Variants in SYNDIG1 observed in about 807,000 individuals in gnomAD.
SYNDIG1 encodes synapse differentiation inducing 1.
In SYNDIG1, 9 loss-of-function variants were observed where a neutral mutation model predicts 19.4. The ratio of observed to expected loss-of-function variants is 0.46; its 90% CI spans 0.28 to 0.81. The LOEUF is 0.81. SYNDIG1 is among the 30% of genes least tolerant of loss of function. SYNDIG1 has a pLI of 0.12. For missense variants in SYNDIG1, 311 were observed against 343.3 expected (o/e 0.91, Z 0.74); for synonymous variants, 141 against 145.9 (o/e 0.97, Z 0.24).
At chr20:24,578,460 G>T in intron 2 of SYNDIG1, among the ~76,000 whole-genome samples, 1 of 149,694 alleles carries the variant, frequency 6.7e-6, no homozygotes, top group Non-Finnish European at 1.5e-5. Context: ...AAAAAAGAAA[G>T]AAAGAAAAAG....
In SYNDIG1 at chr20:24,471,709, A is replaced by G. The variant is rs550489503; in HGVS notation, c.-79+1956A>G. ...AGTGACAGACAGAGAATAGCACTGA[A>G]GCTTTGTGTACCCCCCACCCAGTCA... is the stretch of plus-strand genomic sequence containing the variant. On this transcript the variant is annotated intron_variant, in intron 1 of 3. Transcript: ENST00000376862. 2.0e-5 allele frequency among the ~76,000 whole-genome samples: 3 copies of G among 152,236 alleles called. No individual in the cohort carries two copies. In the East Asian group the frequency reaches 5.8e-4, roughly 29 times the overall value.
chr20:24,604,547 A>G (rs934949310), intron 3 of SYNDIG1, among the ~76,000 whole-genome samples: 3 of 152,208 alleles, frequency 2.0e-5, no homozygotes, highest in African/African-American at 7.2e-5. Flanking sequence ...TGCCAAGGCA[A>G]TGTCAGGAAG....
chr20:24,630,736 C>T (rs531313460), intron 3 of SYNDIG1, among the ~76,000 whole-genome samples: 4 of 152,222 alleles, frequency 2.6e-5, no homozygotes, highest in South Asian at 2.1e-4. Context: ...CGTCCACTGT[C>T]GCCTGGCTGC....
chr20:24,498,378 TAA>T, intron 1 of SYNDIG1, among the ~76,000 whole-genome samples: 1 of 152,216 alleles, frequency 6.6e-6, no homozygotes, highest in Non-Finnish European at 1.5e-5. Context: ...GTGTATATTA[TAA>T]GTGTATATTA....
intron 3 of SYNDIG1, among the ~76,000 whole-genome samples, chr20:24,599,321 A>G (rs2058643342): frequency 6.6e-6 from 1 of 152,216 alleles, no homozygotes; most frequent in South Asian, 2.1e-4. Flanking sequence ...ACTATTATTA[A>G]AAAGACAAAA....
At chr20:24,661,863 G>T (rs12625030) in intron 3 of SYNDIG1, among the ~76,000 whole-genome samples, 30,934 of 152,020 alleles carry the variant, frequency 0.2, 3,965 homozygotes, top group East Asian at 0.57. Flanking sequence ...CCTTCAGATA[G>T]AACCATTCCC....
intron 1 of SYNDIG1, among the ~76,000 whole-genome samples, chr20:24,504,340 A>G (rs1006317899): frequency 6.7e-6 from 1 of 150,196 alleles, no homozygotes; most frequent in Non-Finnish European, 1.5e-5. Flanking sequence ...ATTGTGGCAT[A>G]GGTAGCCCGG....
At chr20:24,501,516 G>A (rs1325891165) in intron 1 of SYNDIG1, among the ~76,000 whole-genome samples, 1 of 152,162 alleles carries the variant, frequency 6.6e-6, no homozygotes, top group Non-Finnish European at 1.5e-5. Context: ...CTGATGGGAA[G>A]CTATATAGAG....
chr20:24,649,571 A>T (rs2059450356), intron 3 of SYNDIG1, among the ~76,000 whole-genome samples: 1 of 152,140 alleles, frequency 6.6e-6, no homozygotes, highest in African/African-American at 2.4e-5. Context: ...TCGCTGGTTT[A>T]TTAATATGGG....
chr20:24,477,153 C>A (rs1257283267), intron 1 of SYNDIG1, among the ~76,000 whole-genome samples: 1 of 152,190 alleles, frequency 6.6e-6, no homozygotes, highest in Non-Finnish European at 1.5e-5. Context: ...ACATGCGTCA[C>A]ACTCTTGGGA....
chr20:24,540,440 G>A (rs1210116569), intron 1 of SYNDIG1, among the ~76,000 whole-genome samples: 1 of 152,106 alleles, frequency 6.6e-6, no homozygotes, highest in Non-Finnish European at 1.5e-5. Context: ...GGAAAAGTGG[G>A]CATCTTTGCC....
intron 3 of SYNDIG1, among the ~76,000 whole-genome samples, chr20:24,663,264 A>T (rs149277123): frequency 6.6e-6 from 1 of 152,304 alleles, no homozygotes; most frequent in African/African-American, 2.4e-5. Context: ...GGCCCCTAAC[A>T]CACCACATTC....
intron 3 of SYNDIG1, among the ~76,000 whole-genome samples, chr20:24,626,708 G>T (rs1404171850): frequency 2.0e-5 from 3 of 152,202 alleles, no homozygotes; most frequent in Non-Finnish European, 2.9e-5. Flanking sequence ...TCGGCACTTT[G>T]GGGGGCCAAG....
intron 1 of SYNDIG1, among the ~76,000 whole-genome samples, chr20:24,499,120 G>A (rs1464152049): frequency 2.0e-5 from 3 of 152,188 alleles, no homozygotes; most frequent in Non-Finnish European, 4.4e-5. Flanking sequence ...TGCCTCCCAG[G>A]TTCAAGTGAT....
At chr20:24,512,696 G>A (rs914043613) in intron 1 of SYNDIG1, among the ~76,000 whole-genome samples, 7 of 152,150 alleles carry the variant, frequency 4.6e-5, no homozygotes, top group East Asian at 1.9e-4. Context: ...CTCCACCTCC[G>A]GGGGCAGGGC....
chr20:24,646,220 A>G (rs2059421428), intron 3 of SYNDIG1, among the ~76,000 whole-genome samples: 1 of 152,224 alleles, frequency 6.6e-6, no homozygotes, highest in Non-Finnish European at 1.5e-5. Context: ...AGACCAGGGA[A>G]CATGCACACA....
chr20:24,625,904 C>T lies in SYNDIG1; in HGVS notation c.619-39442C>T, dbSNP rs997312312. Among the ~76,000 whole-genome samples the T allele has an allele frequency of 2.6e-5, 4 of 152,282 alleles. No individual in the cohort carries two copies. The South Asian group carries it at 6.2e-4, about 24-fold the overall frequency. ...TACACCTCCCAGACGAGGTGGTGGCCGGGCAGAGGGGCTCCTCACTTCCCA... is the reference window on the plus strand; with the variant it reads ...TACACCTCCCAGACGAGGTGGTGGCTGGGCAGAGGGGCTCCTCACTTCCCA... On this transcript the variant is annotated intron_variant, in intron 3 of 3. Transcript: ENST00000376862.
intron 3 of SYNDIG1, among the ~76,000 whole-genome samples, chr20:24,611,045 C>A (rs1020169319): frequency 2.0e-5 from 3 of 152,186 alleles, no homozygotes; most frequent in African/African-American, 7.2e-5. Flanking sequence ...CCTAGCTGAA[C>A]CACGCGATGC....
chr20:24,530,712 A>G (rs1055495244), intron 1 of SYNDIG1, among the ~76,000 whole-genome samples: 97 of 152,322 alleles, frequency 6.4e-4, no homozygotes, highest in African/African-American at 2.3e-3. Flanking sequence ...AAGAAGGGTC[A>G]GGAGCAGCCA....
Sources: gnomAD v4.1 joint callset for allele counts (sites outside exome capture counted in the v4.1 genomes callset) on GRCh38, gnomAD v4.1.1 for gene constraint, MANE v1.5 for transcripts, NCBI Gene and HGNC (gene_info 2026-07-23, HGNC 2026-07-21) for gene names.